The following CDH8 variants were observed in gnomAD, a reference collection of about 807,000 sequenced individuals.
CDH8 encodes the protein cadherin-8.
Under a neutral mutation model 68.1 loss-of-function variants are expected in CDH8, and 17 were observed. The ratio of observed to expected loss-of-function variants is 0.25; its 90% confidence interval spans 0.17 to 0.37. CDH8 has a LOEUF of 0.37. Among genes scored for constraint, CDH8 ranks in the 10% least tolerant of loss-of-function variants. The pLI, the probability that CDH8 is intolerant of heterozygous loss-of-function variation, is 1.00. For missense variants in CDH8, 763 were observed against 999.3 expected (o/e 0.76, Z 3.19); for synonymous variants, 372 against 365.1 (o/e 1.02, Z -0.21).
At chr16:61,960,159 GT>G (rs1449233371) in intron 2 of CDH8, among the ~76,000 whole-genome samples, 4 of 119,412 alleles carry the variant, frequency 3.3e-5, no homozygotes, top group Non-Finnish European at 5.0e-5. Context: ...ATATGTGTGT[GT>G]GTATACACAT....
intron 10 of CDH8, among the ~76,000 whole-genome samples, chr16:61,659,252 C>A (rs929556664): frequency 2.0e-5 from 3 of 152,188 alleles, no homozygotes; most frequent in Middle Eastern, 3.4e-3. Flanking sequence ...AAATAAAGAA[C>A]CATTTATTCA....
intron 2 of CDH8, among the ~76,000 whole-genome samples, chr16:61,999,155 A>T (rs1965853003): frequency 6.6e-6 from 1 of 152,212 alleles, no homozygotes; most frequent in Admixed American, 6.5e-5. Context: ...AGTGCCTACT[A>T]TATGAAAGAC....
At chr16:61,733,207 T>A (rs1302413022) in intron 8 of CDH8, among the ~76,000 whole-genome samples, 1 of 151,782 alleles carries the variant, frequency 6.6e-6, no homozygotes, top group Non-Finnish European at 1.5e-5. Flanking sequence ...CATCTGAAGC[T>A]TATTCTGCCA....
chr16:61,654,527 C>G (rs551462622), intron 11 of CDH8, among the ~76,000 whole-genome samples: 8 of 152,168 alleles, frequency 5.3e-5, no homozygotes, highest in African/African-American at 1.9e-4. Flanking sequence ...GGTCCTTGGG[C>G]TTTCACAGTT....
chr16:62,008,720 A>G (rs775407440), intron 2 of CDH8, among the ~76,000 whole-genome samples: 30 of 152,300 alleles, frequency 2.0e-4, no homozygotes, highest in South Asian at 1.5e-3. Context: ...ATTAAAAACT[A>G]AGACCTTTCT....
At chr16:61,818,739 T>C (rs1209887801) in intron 6 of CDH8, among the ~76,000 whole-genome samples, 2 of 152,162 alleles carry the variant, frequency 1.3e-5, no homozygotes, top group Non-Finnish European at 2.9e-5. Context: ...AAAGAGACAG[T>C]ATACATCTGC....
chr16:61,999,355 G>A (rs1965855114), intron 2 of CDH8, among the ~76,000 whole-genome samples: 1 of 152,118 alleles, frequency 6.6e-6, no homozygotes, highest in African/African-American at 2.4e-5. Flanking sequence ...GGAGACTGGA[G>A]CTATTAAAAA....
At chr16:61,776,357 T>A (rs1960899197) in intron 8 of CDH8, among the ~76,000 whole-genome samples, 2 of 152,254 alleles carry the variant, frequency 1.3e-5, no homozygotes, top group Non-Finnish European at 2.9e-5. Flanking sequence ...TGTCCTTAAC[T>A]AATAACCTCT....
At chr16:61,970,371 G>A (rs944746660) in intron 2 of CDH8, among the ~76,000 whole-genome samples, 1 of 152,114 alleles carries the variant, frequency 6.6e-6, no homozygotes, top group African/African-American at 2.4e-5. Context: ...GAAAGTTTCT[G>A]TTCATAAGTA....
intron 2 of CDH8, among the ~76,000 whole-genome samples, chr16:61,995,827 G>T (rs1379175330): frequency 6.6e-6 from 1 of 152,136 alleles, no homozygotes; most frequent in Non-Finnish European, 1.5e-5. Flanking sequence ...TTAAAAGGAT[G>T]AAGGAAAAAT....
At chr16:61,900,251 T>G (rs564272985) in intron 3 of CDH8, among the ~76,000 whole-genome samples, 1 of 152,324 alleles carries the variant, frequency 6.6e-6, no homozygotes, top group Non-Finnish European at 1.5e-5. Context: ...CTGTGTTTAT[T>G]TGTCTCACCT....
chr16:61,682,211 A>T, intron 10 of CDH8, among the ~76,000 whole-genome samples: 1 of 152,070 alleles, frequency 6.6e-6, no homozygotes, highest in South Asian at 2.1e-4. Context: ...GATTGAAAAC[A>T]ATTTATCTAG....
rs563770562 is a variant in CDH8 at position 61,919,311 on chromosome 16, C to T, written c.253-17838G>A. Among the ~76,000 whole-genome samples, 11 of 148,374 alleles carry T rather than the reference C, an allele frequency of 7.4e-5. 1 individual carries two copies. The highest frequency in any genetic ancestry group is 2.2e-4 in the South Asian group (1 of 4,574). ...TCACCAGCAACGGAACAAAGCTGGACGGAGAATGACTTTGACAAGCTGAGA... is the reference window on the plus strand; with the variant it reads ...TCACCAGCAACGGAACAAAGCTGGATGGAGAATGACTTTGACAAGCTGAGA... On this transcript the variant is annotated intron_variant, in intron 2 of 11. Coordinates refer to ENST00000577390, the MANE Select transcript of CDH8 (RefSeq NM_001796.5).
rs975849858 is a variant in CDH8 at position 61,653,493 on chromosome 16, A to T, written c.*115T>A. 3 of 1,491,980 alleles carry T rather than the reference A, an allele frequency of 2.0e-6. No individual in the cohort carries two copies. In the African/African-American group the frequency reaches 4.2e-5, roughly 21 times the overall value. The allele number at this position is 1,491,980 out of a possible 1,614,324, so 92.4% of individuals were successfully genotyped here. On this transcript the variant is annotated 3_prime_UTR_variant, in exon 12 of 12. Coordinates refer to ENST00000577390, the MANE Select transcript of CDH8 (RefSeq NM_001796.5). Reference sequence around the variant, plus strand: ...CATTAAAATGTGGTTGAGTTTATAGATGACTGGTGCTAAACTTGCCTCTAA... The same window carrying T: ...CATTAAAATGTGGTTGAGTTTATAGTTGACTGGTGCTAAACTTGCCTCTAA...
chr16:61,797,070 AC>A (rs1037755969), intron 7 of CDH8, among the ~76,000 whole-genome samples: 2 of 152,084 alleles, frequency 1.3e-5, no homozygotes, highest in Non-Finnish European at 2.9e-5. Flanking sequence ...GATATTTGGC[AC>A]AAAAATTCCA....
chr16:61,772,731 A>G (rs1003845971), intron 8 of CDH8, among the ~76,000 whole-genome samples: 1 of 152,034 alleles, frequency 6.6e-6, no homozygotes, highest in African/African-American at 2.4e-5. Context: ...GATTATAGCT[A>G]TGGTTCTCAA....
chr16:61,922,094 G>A (rs1030665270), intron 2 of CDH8, among the ~76,000 whole-genome samples: 4 of 152,128 alleles, frequency 2.6e-5, no homozygotes, highest in Non-Finnish European at 4.4e-5. Context: ...ATATGCAGCC[G>A]AAGTTGTCCA....
At chr16:61,966,453 G>T (rs1965254004) in intron 2 of CDH8, among the ~76,000 whole-genome samples, 1 of 152,008 alleles carries the variant, frequency 6.6e-6, no homozygotes. Flanking sequence ...CAGGAGAATT[G>T]CTTGAACCTG....
At chr16:61,792,624 C>T (rs1961405345) in intron 7 of CDH8, among the ~76,000 whole-genome samples, 1 of 151,928 alleles carries the variant, frequency 6.6e-6, no homozygotes, top group African/African-American at 2.4e-5. Context: ...GGAACTAGGA[C>T]ATTTTAGGTA....
Sources: allele counts gnomAD v4.1 joint callset (sites outside exome capture counted in the v4.1 genomes callset), GRCh38; gene constraint gnomAD v4.1.1; transcripts MANE v1.5; gene names NCBI Gene and HGNC (gene_info 2026-07-23, HGNC 2026-07-21).